Variants in ATAD3A observed in about 807,000 individuals in gnomAD.
The protein encoded by ATAD3A is ATPase family AAA domain containing 3A.
Under a neutral mutation model 73.8 loss-of-function variants are expected in ATAD3A, and 46 were observed. The observed-to-expected ratio is 0.62, with a 90% CI of 0.49 to 0.80. The LOEUF is 0.80. Ranked by LOEUF, ATAD3A falls within the 30% of genes least tolerant of loss-of-function variation. The pLI, the probability that ATAD3A is intolerant of heterozygous loss-of-function variation, is 0.00. For missense variants in ATAD3A, 705 were observed against 838.0 expected, an observed-to-expected ratio of 0.84 and a Z score of 1.96; for synonymous variants, 319 against 350.0, an observed-to-expected ratio of 0.91 and a Z score of 0.99.
At chr1:1,527,219 C>T (rs1019297132) in intron 13 of ATAD3A, 2 of 1,302,298 alleles carry the variant, frequency 1.5e-6, no homozygotes, top group Non-Finnish European at 2.0e-6. Flanking sequence ...GCTGACTCCT[C>T]AGGCACGTTG....
chr1:1,527,381 G>C (rs538921107), intron 13 of ATAD3A: 1 of 1,090,064 alleles, frequency 9.2e-7, no homozygotes, highest in East Asian at 4.9e-5. Context: ...TCTCGACATG[G>C]ACTCCGGGTC....
chr1:1,513,766 G>A lies in ATAD3A; in HGVS notation c.205+1293G>A, dbSNP rs1055003521. 1.3e-4 allele frequency among the ~76,000 whole-genome samples: 19 copies of A among 151,894 alleles called. 1 individual carries two copies. Among genetic ancestry groups the A allele is most frequent in the African/African-American group, 1.9e-4 (8 of 41,316 alleles). ...CCCCTCTGCAAGCCCGGCCCCTCCC[G>A]ACGCTCCTGGCTTCCTCCGTGCCCC... On this transcript the variant is annotated intron_variant, in intron 1 of 15. Transcript: ENST00000378756.
In ATAD3A at chr1:1,534,506, C is replaced by G; in HGVS notation, c.*434C>G. 1.4e-6 allele frequency: 1 copy of G among 711,502 alleles called. No individual in the cohort carries two copies. Among genetic ancestry groups the G allele is most frequent in the Non-Finnish European group, 1.9e-6 (1 of 518,562 alleles). The allele number at this position is 711,502 out of a possible 1,614,324, so 44.1% of individuals were successfully genotyped here. A position where few individuals can be genotyped will look rare whatever the true frequency, so the allele number is the denominator to read the frequency against. On this transcript the variant is annotated 3_prime_UTR_variant, in exon 16 of 16. Coordinates refer to ENST00000378756, the MANE Select transcript of ATAD3A (RefSeq NM_001170535.3). ...CCAGGGCCAGACCCAGGTGGGGCAG[C>G]CTGAACCCTGCTTCCCCCTGTGGCC...
In ATAD3A at chr1:1,534,425, G is replaced by T. The variant is rs1406318016; in HGVS notation, c.*353G>T. On this transcript the variant is annotated 3_prime_UTR_variant, in exon 16 of 16. Coordinates refer to ENST00000378756, the MANE Select transcript of ATAD3A (RefSeq NM_001170535.3). ...GAGCCCCCGGGGCAGCAGGAGCCAGGCAGGTGATGTCTTTGTTCTCGGCTC... is the reference window on the plus strand; with the variant it reads ...GAGCCCCCGGGGCAGCAGGAGCCAGTCAGGTGATGTCTTTGTTCTCGGCTC... 14 of 1,286,234 alleles carry T rather than the reference G, an allele frequency of 1.1e-5. No homozygotes were observed. The East Asian group carries it at 3.7e-4, about 34-fold the overall frequency. The allele number at this position is 1,286,234 out of a possible 1,614,324, so 79.7% of individuals were successfully genotyped here.
chr1:1,520,401 C>A lies in ATAD3A; in HGVS notation c.680+95C>A. The A allele has an allele frequency of 6.3e-7, 1 of 1,590,636 alleles. No homozygotes were observed. Among genetic ancestry groups the A allele is most frequent in the Non-Finnish European group, 8.6e-7 (1 of 1,165,084 alleles). On this transcript the variant is annotated intron_variant, in intron 6 of 15. Coordinates refer to ENST00000378756, the MANE Select transcript of ATAD3A (RefSeq NM_001170535.3). This position sits in a 1 kb window ranked among gnomAD's most constrained non-coding sequence, Gnocchi z 4.0. ...GCTCTCCAGCTCTTCCAGGCCTTGC[C>A]GCCGTAGGCTGACTCCTTGGTGGGG...
Position 1,527,678 on chromosome 1 carries a change from T to TCATCCC in ATAD3A, c.1338-15_1338-10dup. 6.3e-7 allele frequency: 1 copy of TCATCCC among 1,599,624 alleles called. No homozygotes were observed. The highest frequency in any genetic ancestry group is 8.5e-7 in the Non-Finnish European group (1 of 1,171,296). On this transcript the variant is annotated splice_polypyrimidine_tract_variant and intron_variant, in intron 13 of 15. Coordinates refer to ENST00000378756, the MANE Select transcript of ATAD3A (RefSeq NM_001170535.3). ...GCCGGCAGCCCCAGCATCCTCATCCTCATCCCCGCCCCGCAGGTTCATGCT... is the reference window on the plus strand; with the variant it reads ...GCCGGCAGCCCCAGCATCCTCATCCTCATCCCCATCCCCGCCCCGCAGGTTCATGCT...
intron 1 of ATAD3A, among the ~76,000 whole-genome samples, chr1:1,515,620 C>T (rs1641330003): frequency 6.6e-6 from 1 of 152,188 alleles, no homozygotes; most frequent in South Asian, 2.1e-4. Context: ...TTCTTGCCTG[C>T]ATGTGCTTGA....
rs1402360402 is a variant in ATAD3A at position 1,523,721 on chromosome 1, C to G, written c.964-118C>G. ...CCGTGCTGGGGATAGATAGGCTGCCCCTGAGGTGGGAGGCTTCCCGAGGAG... is the reference window on the plus strand; with the variant it reads ...CCGTGCTGGGGATAGATAGGCTGCCGCTGAGGTGGGAGGCTTCCCGAGGAG... On this transcript the variant is annotated intron_variant, in intron 9 of 15. Coordinates refer to ENST00000378756, the MANE Select transcript of ATAD3A (RefSeq NM_001170535.3). The surrounding 1 kb of genome is among the most constrained non-coding windows in gnomAD (Gnocchi z 5.1). 2 of 1,588,454 alleles carry G rather than the reference C, an allele frequency of 1.3e-6. No homozygotes were observed. Among genetic ancestry groups the G allele is most frequent in the African/African-American group, 1.3e-5 (1 of 74,320 alleles).
At chr1:1,529,464 A>C in intron 15 of ATAD3A, 133 bp downstream of exon 15, 1 of 1,457,138 alleles carries the variant, frequency 6.9e-7, no homozygotes, top group South Asian at 1.4e-5. Flanking sequence ...CACAGAGGTG[A>C]CACAGGGCCC....
intron 4 of ATAD3A, among the ~76,000 whole-genome samples, chr1:1,518,631 ACAGGCACGCACAACCC>A (rs1641467842): frequency 2.9e-4 from 2 of 6,886 alleles, no homozygotes; most frequent in African/African-American, 1.9e-3. Context: ...ACCCCCCCCC[ACAGGCACGCACAACCC>A]CCCCACCCCC....
At chr1:1,527,977 G>A in intron 14 of ATAD3A, 115 bp downstream of exon 14, 1 of 831,972 alleles carries the variant, frequency 1.2e-6, no homozygotes, top group Non-Finnish European at 1.6e-6. Flanking sequence ...TTTTTTTTTT[G>A]AGACAAAGTC....
At chr1:1,514,779 G>A (rs942485725) in intron 1 of ATAD3A, among the ~76,000 whole-genome samples, 1 of 152,234 alleles carries the variant, frequency 6.6e-6, no homozygotes, top group East Asian at 1.9e-4. Context: ...AGTGAGACGG[G>A]CTGCGGGAGG....
intron 15 of ATAD3A, among the ~76,000 whole-genome samples, chr1:1,529,594 C>T (rs1213410578): frequency 2.6e-5 from 4 of 152,246 alleles, no homozygotes; most frequent in East Asian, 1.9e-4. Context: ...CTGGCATCGC[C>T]GTAGCCCGAG....
Position 1,523,589 on chromosome 1 carries a change from C to G in ATAD3A, c.963+22C>G. On this transcript the variant is annotated intron_variant, in intron 9 of 15. Coordinates refer to ENST00000378756, the MANE Select transcript of ATAD3A (RefSeq NM_001170535.3). The surrounding 1 kb of genome is among the most constrained non-coding windows in gnomAD (Gnocchi z 5.1). ...CAGTGTAAGTCGGTGTGCCTGGGAC[C>G]GGGGAGGCGCAGGGAGGGGACCCTG... 1.2e-6 allele frequency: 2 copies of G among 1,612,498 alleles called. No homozygotes were observed. Among genetic ancestry groups the G allele is most frequent in the Non-Finnish European group, 8.5e-7 (1 of 1,179,768 alleles).
chr1:1,528,984 T>G (rs958157273), intron 14 of ATAD3A, among the ~76,000 whole-genome samples: 12 of 152,190 alleles, frequency 7.9e-5, no homozygotes, highest in Non-Finnish European at 1.6e-4. Context: ...AGTGAGCAGC[T>G]GTGGGCAGGG....
chr1:1,532,267 T>C (rs1221181692), intron 15 of ATAD3A, among the ~76,000 whole-genome samples: 2 of 152,168 alleles, frequency 1.3e-5, no homozygotes, highest in Non-Finnish European at 2.9e-5. Context: ...GTGGTGTCTT[T>C]GTCTGGCTTT....
At chr1:1,531,511 T>G (rs1343684010) in intron 15 of ATAD3A, among the ~76,000 whole-genome samples, 1 of 150,676 alleles carries the variant, frequency 6.6e-6, no homozygotes, top group Non-Finnish European at 1.5e-5. Context: ...CGGTGGCTCA[T>G]GCCTGTAATC....
At chr1:1,527,671 C>G in intron 13 of ATAD3A, 24 bp from the exon 14 acceptor site, 11 of 1,596,192 alleles carry the variant, frequency 6.9e-6, no homozygotes, top group Non-Finnish European at 9.4e-6. Context: ...CCCCAGCATC[C>G]TCATCCTCAT....
At chr1:1,517,277 G>A (rs749624303) in intron 2 of ATAD3A, 34 bp from the exon 3 acceptor site, 2 of 1,547,498 alleles carry the variant, frequency 1.3e-6, no homozygotes, top group South Asian at 1.2e-5. Flanking sequence ...CCAGCCCTGA[G>A]CAAGTGCCAG....
Sources: gnomAD v4.1 joint callset for allele counts (sites outside exome capture counted in the v4.1 genomes callset) on GRCh38, gnomAD v4.1.1 for gene constraint, Gnocchi (gnomAD v3.1) non-coding constraint, MANE v1.5 for transcripts, NCBI Gene and HGNC (gene_info 2026-07-23, HGNC 2026-07-21) for gene names.